UMODL1: variants seen among roughly 807,000 people sequenced by gnomAD.
UMODL1 encodes the protein uromodulin like 1.
UMODL1 carries 128 observed loss-of-function variants against 136.3 expected under a neutral mutation model. The ratio of observed to expected loss-of-function variants is 0.94; its 90% CI spans 0.81 to 1.09. The LOEUF (loss-of-function observed/expected upper bound fraction) is 1.09. Among genes scored for constraint, UMODL1 ranks in the 50% least tolerant of loss-of-function variants. UMODL1 has a pLI of 0.00. For missense variants in UMODL1, 1,766 were observed against 1,725.6 expected, an observed-to-expected ratio of 1.02 and a Z score of -0.41; for synonymous variants, 721 against 720.0, an observed-to-expected ratio of 1.00 and a Z score of -0.02.
chr21:42,114,874 C>T (rs2066883078), intron 13 of UMODL1, among the ~76,000 whole-genome samples: 1 of 152,142 alleles, frequency 6.6e-6, no homozygotes, highest in South Asian at 2.1e-4. Context: ...CGGGGGACCC[C>T]AAACCTGTGG....
At chr21:42,092,613 C>G (rs575695864) in intron 6 of UMODL1, among the ~76,000 whole-genome samples, 2 of 152,304 alleles carry the variant, frequency 1.3e-5, no homozygotes, top group Admixed American at 6.5e-5. Flanking sequence ...GAACTGTAAC[C>G]TTGTGACAGG....
At chr21:42,121,269 C>T (rs373156473) in intron 16 of UMODL1, 45 bp downstream of exon 16, 27 of 1,569,754 alleles carry the variant, frequency 1.7e-5, no homozygotes, top group African/African-American at 1.6e-4. Flanking sequence ...GTATCATAAT[C>T]GGTTTTTTTT....
intron 1 of UMODL1, among the ~76,000 whole-genome samples, chr21:42,072,528 C>T (rs975669613): frequency 6.6e-6 from 1 of 152,168 alleles, no homozygotes; most frequent in African/African-American, 2.4e-5. Flanking sequence ...GGAGGTGTTT[C>T]CAGAACCCCT....
intron 5 of UMODL1, among the ~76,000 whole-genome samples, chr21:42,088,691 C>T (rs220301): frequency 6.6e-6 from 1 of 151,938 alleles, no homozygotes; most frequent in Non-Finnish European, 1.5e-5. Context: ...TCCCCAAGTG[C>T]AGACCTCTAG....
At chr21:42,134,391 T>G (rs1480148182) in intron 21 of UMODL1, among the ~76,000 whole-genome samples, 7 of 152,190 alleles carry the variant, frequency 4.6e-5, no homozygotes, top group Admixed American at 4.6e-4. Context: ...CCCACTTATT[T>G]CACATTCATG....
chr21:42,110,378 C>G (rs552410275), intron 10 of UMODL1, among the ~76,000 whole-genome samples: 2 of 152,368 alleles, frequency 1.3e-5, no homozygotes, highest in African/African-American at 4.8e-5. Context: ...CAGCCGAGAC[C>G]AGTTCCCTGG....
intron 1 of UMODL1, among the ~76,000 whole-genome samples, chr21:42,073,619 C>A (rs1447061112): frequency 6.6e-6 from 1 of 152,208 alleles, no homozygotes; most frequent in Non-Finnish European, 1.5e-5. Context: ...CCTCTTCCCT[C>A]ACCGTGTTTG....
upstream of UMODL1, among the ~76,000 whole-genome samples, chr21:42,066,875 TATC>T (rs993674862): frequency 6.6e-6 from 1 of 152,256 alleles, no homozygotes; most frequent in African/African-American, 2.4e-5. Context: ...TTGTGATGCA[TATC>T]ATCTTCTGGC....
intron 12 of UMODL1, among the ~76,000 whole-genome samples, chr21:42,112,669 G>A (rs1176648287): frequency 6.6e-6 from 1 of 151,064 alleles, no homozygotes; most frequent in African/African-American, 2.4e-5. Context: ...CAGCTGTTTT[G>A]TGCCCCCTCA....
At chr21:42,092,703 C>T (rs1431941408) in intron 6 of UMODL1, among the ~76,000 whole-genome samples, 1 of 152,212 alleles carries the variant, frequency 6.6e-6, no homozygotes, top group Non-Finnish European at 1.5e-5. Flanking sequence ...AAAAGGGACT[C>T]AACATTGAGG....
At chr21:42,063,534 G>A (rs1183102371) in intron 1 of UMODL1, among the ~76,000 whole-genome samples, 1 of 152,236 alleles carries the variant, frequency 6.6e-6, no homozygotes, top group Admixed American at 6.5e-5. Context: ...CCTGGCAAAT[G>A]TGGTGAAGGT....
chr21:42,110,677 G>A (rs574874263), intron 10 of UMODL1, among the ~76,000 whole-genome samples: 15 of 152,294 alleles, frequency 9.8e-5, no homozygotes, highest in Middle Eastern at 3.4e-3. Flanking sequence ...GTGGAGAGGC[G>A]TGATTTGCCT....
chr21:42,127,640 C>A (rs1473783963), intron 19 of UMODL1, 32 bp from the exon 20 acceptor site: 1 of 1,600,136 alleles, frequency 6.2e-7, no homozygotes, highest in Admixed American at 1.7e-5. Context: ...GGCTCGCTGA[C>A]AAGCAAGGAG....
At chr21:42,118,410 G>A (rs1391423098) in intron 14 of UMODL1, among the ~76,000 whole-genome samples, 1 of 152,224 alleles carries the variant, frequency 6.6e-6, no homozygotes, top group Admixed American at 6.5e-5. Context: ...CCCATAGGAG[G>A]TTTGCACTGA....
intron 9 of UMODL1, among the ~76,000 whole-genome samples, chr21:42,109,033 C>A (rs1224648998): frequency 2.2e-5 from 3 of 138,000 alleles, no homozygotes; most frequent in Admixed American, 7.2e-5. Flanking sequence ...TGTTATACTC[C>A]ACTGGCCCCC....
intron 12 of UMODL1, chr21:42,112,870 C>T (rs1209455966): frequency 1.3e-5 from 2 of 151,790 alleles, no homozygotes; most frequent in African/African-American, 4.9e-5. Flanking sequence ...CACCTCTAGT[C>T]ATACCGTAAC....
intron 12 of UMODL1, 150 bp downstream of exon 12, chr21:42,111,860 C>CAT: frequency 3.6e-6 from 3 of 822,724 alleles, no homozygotes; most frequent in Non-Finnish European, 5.5e-6. Flanking sequence ...GAAACGGAGG[C>CAT]ACCCAGCAGC....
At chr21:42,113,421 C>G (rs71320510) in intron 12 of UMODL1, 152 bp from the exon 13 acceptor site, 280 of 916,448 alleles carry the variant, frequency 3.1e-4, no homozygotes, top group Non-Finnish European at 4.2e-4. Flanking sequence ...GAGGTTTGTA[C>G]AGGATCCTAC....
intron 6 of UMODL1, 67 bp downstream of exon 6, chr21:42,090,505 C>G: frequency 6.3e-7 from 1 of 1,578,874 alleles, no homozygotes; most frequent in Non-Finnish European, 8.6e-7. Context: ...GGAATACTCA[C>G]CAGCAGTGCT....
Sources: allele counts gnomAD v4.1 joint callset (sites outside exome capture counted in the v4.1 genomes callset), GRCh38; gene constraint gnomAD v4.1.1; transcripts MANE v1.5; gene names NCBI Gene and HGNC (gene_info 2026-07-23, HGNC 2026-07-21).